SORCS3: variants seen among roughly 807,000 people sequenced by gnomAD.
The protein encoded by SORCS3 is VPS10 domain-containing receptor SorCS3.
A neutral mutation model predicts 146.3 loss-of-function variants in SORCS3; 57 were observed. That is an observed-to-expected ratio of 0.39 (90% confidence interval 0.31 to 0.49). The LOEUF (loss-of-function observed/expected upper bound fraction) is 0.49. Ranked by LOEUF, SORCS3 falls within the 20% of genes least tolerant of loss-of-function variation. The pLI is 0.92. For synonymous variants in SORCS3, 653 were observed against 618.5 expected, an observed-to-expected ratio of 1.06 and a Z score of -0.83; for missense variants, 1,341 against 1,575.5, an observed-to-expected ratio of 0.85 and a Z score of 2.52.
intron 4 of SORCS3, among the ~76,000 whole-genome samples, chr10:104,988,029 A>G (rs1270281429): frequency 1.3e-5 from 2 of 152,156 alleles, no homozygotes; most frequent in Non-Finnish European, 2.9e-5. Flanking sequence ...GGCACTGACA[A>G]ATTCTCTCAT....
At chr10:104,794,976 G>A (rs1296613516) in intron 1 of SORCS3, among the ~76,000 whole-genome samples, 1 of 152,128 alleles carries the variant, frequency 6.6e-6, no homozygotes, top group East Asian at 1.9e-4. Flanking sequence ...GGTCTCTTTA[G>A]CATTCTATTC....
At chr10:105,000,746 A>G (rs532940932) in intron 4 of SORCS3, among the ~76,000 whole-genome samples, 41 of 152,290 alleles carry the variant, frequency 2.7e-4, no homozygotes, top group Non-Finnish European at 4.7e-4. Flanking sequence ...ATAGTGGCCA[A>G]CATATTGGAG....
chr10:105,205,272 T>C (rs570010697), intron 16 of SORCS3, among the ~76,000 whole-genome samples: 1 of 152,174 alleles, frequency 6.6e-6, no homozygotes, highest in Non-Finnish European at 1.5e-5. Context: ...AGGGAAGATA[T>C]TTTCTGTCTC....
chr10:105,146,250 C>G (rs907193461), intron 8 of SORCS3, among the ~76,000 whole-genome samples: 2 of 151,998 alleles, frequency 1.3e-5, no homozygotes, highest in Non-Finnish European at 2.9e-5. Flanking sequence ...TTGTGATAAT[C>G]TTTGTACAGT....
At chr10:105,144,411 T>C (rs1435752992) in intron 8 of SORCS3, among the ~76,000 whole-genome samples, 1 of 152,158 alleles carries the variant, frequency 6.6e-6, no homozygotes, top group Non-Finnish European at 1.5e-5. Flanking sequence ...GGCAGATGCT[T>C]AATAACATGG....
rs565921356 is a variant in SORCS3, at chr10:105,173,154, A to G, written c.1902-4912A>G. On this transcript the variant is annotated intron_variant, in intron 13 of 26. Coordinates refer to ENST00000369701, the MANE Select transcript of SORCS3 (RefSeq NM_014978.3). Reference sequence around the variant, plus strand: ...ACCAAAACAGAAACAAACAGATGTTAAACAAAAATTAGCTGGGTGTGGTGG... The same window carrying G: ...ACCAAAACAGAAACAAACAGATGTTGAACAAAAATTAGCTGGGTGTGGTGG... Among the ~76,000 whole-genome samples the G allele has an allele frequency of 4.6e-5, 7 of 152,206 alleles. No homozygotes were observed. The South Asian group carries it at 1.5e-3, about 32-fold the overall frequency.
intron 1 of SORCS3, among the ~76,000 whole-genome samples, chr10:104,724,667 G>C (rs999663023): frequency 2.8e-4 from 43 of 152,290 alleles, no homozygotes; most frequent in African/African-American, 1.0e-3. Flanking sequence ...TGGAGGCTTT[G>C]TTCATTTCTT....
chr10:104,855,731 A>ATG (rs142974541), intron 2 of SORCS3, among the ~76,000 whole-genome samples: 474 of 149,138 alleles, frequency 3.2e-3, no homozygotes, highest in African/African-American at 3.8e-3. Context: ...GTGTGTGTGT[A>ATG]TGTGTGTGTG....
chr10:104,726,963 A>G (rs1357663725), intron 1 of SORCS3, among the ~76,000 whole-genome samples: 1 of 152,164 alleles, frequency 6.6e-6, no homozygotes, highest in African/African-American at 2.4e-5. Flanking sequence ...TTTTTAGGGT[A>G]CTGCTGAATT....
At chr10:105,076,069 G>A (rs1283095662) in intron 5 of SORCS3, among the ~76,000 whole-genome samples, 1 of 152,100 alleles carries the variant, frequency 6.6e-6, no homozygotes, top group African/African-American at 2.4e-5. Flanking sequence ...CTTGGAACCT[G>A]GTGTACATGT....
intron 1 of SORCS3, among the ~76,000 whole-genome samples, chr10:104,650,653 G>C (rs914463927): frequency 6.6e-6 from 1 of 152,172 alleles, no homozygotes; most frequent in East Asian, 1.9e-4. Flanking sequence ...TCTTGTATCT[G>C]GTGGTTAAGT....
chr10:105,098,318 G>A (rs2055760251), intron 6 of SORCS3, among the ~76,000 whole-genome samples: 1 of 152,152 alleles, frequency 6.6e-6, no homozygotes, highest in Non-Finnish European at 1.5e-5. Context: ...ATATAGGATT[G>A]TCTTTGATAG....
intron 1 of SORCS3, among the ~76,000 whole-genome samples, chr10:104,752,992 G>A (rs529403274): frequency 4.9e-4 from 74 of 152,198 alleles, no homozygotes; most frequent in Admixed American, 2.4e-3. Context: ...TGAACAAATG[G>A]ACAAACAAAC....
intron 2 of SORCS3, among the ~76,000 whole-genome samples, chr10:104,882,526 G>A (rs906199322): frequency 1.3e-5 from 2 of 152,058 alleles, no homozygotes; most frequent in Non-Finnish European, 2.9e-5. Flanking sequence ...AAGGAGCATG[G>A]CCTCTTAGAA....
At chr10:105,240,376 G>C (rs1056796074) in intron 20 of SORCS3, among the ~76,000 whole-genome samples, 7 of 152,204 alleles carry the variant, frequency 4.6e-5, no homozygotes, top group Non-Finnish European at 5.9e-5. Context: ...GCCTGGTGGT[G>C]ATAGGTGGGA....
intron 1 of SORCS3, among the ~76,000 whole-genome samples, chr10:104,684,683 A>G (rs991870524): frequency 1.3e-5 from 2 of 151,606 alleles, no homozygotes; most frequent in African/African-American, 2.4e-5. Flanking sequence ...GAATGAGGAT[A>G]ATGATAATAT....
intron 4 of SORCS3, among the ~76,000 whole-genome samples, chr10:105,039,814 G>C (rs1564740443): frequency 1.3e-5 from 2 of 152,220 alleles, no homozygotes; most frequent in South Asian, 4.1e-4. Context: ...GCTCTCAAGG[G>C]TGACCCAGCA....
intron 4 of SORCS3, among the ~76,000 whole-genome samples, chr10:104,988,855 G>A (rs1245183023): frequency 6.6e-6 from 1 of 152,168 alleles, no homozygotes; most frequent in Non-Finnish European, 1.5e-5. Flanking sequence ...TCAGACCCCC[G>A]TGTTAATTCC....
chr10:105,029,306 C>G (rs1445231533), intron 4 of SORCS3, among the ~76,000 whole-genome samples: 1 of 152,202 alleles, frequency 6.6e-6, no homozygotes, highest in East Asian at 1.9e-4. Flanking sequence ...GTCTTCCTGT[C>G]TCCACCCAAG....
Sources: allele counts gnomAD v4.1 joint callset (sites outside exome capture counted in the v4.1 genomes callset), GRCh38; gene constraint gnomAD v4.1.1; transcripts MANE v1.5; gene names NCBI Gene and HGNC (gene_info 2026-07-23, HGNC 2026-07-21).